Variants in RBBP4 observed in about 807,000 individuals in gnomAD.
RBBP4 encodes the protein RB binding protein 4, chromatin remodeling factor, also known as histone-binding protein RBBP4.
Under a neutral mutation model 57.2 loss-of-function variants are expected in RBBP4, and 3 were observed. That is an observed-to-expected ratio of 0.05 (90% confidence interval 0.02 to 0.14). RBBP4 has a LOEUF of 0.14. Among genes scored for constraint, RBBP4 ranks in the 10% least tolerant of loss-of-function variants. RBBP4 has a pLI of 1.00. For missense variants in RBBP4, 107 were observed against 520.6 expected (o/e 0.21, Z 7.73); for synonymous variants, 151 against 171.5 (o/e 0.88, Z 0.93).
At position 32,669,704 on chromosome 1, in the gene RBBP4, C is replaced by T; in HGVS notation, c.966+141C>T. On this transcript the variant is annotated intron_variant, in intron 8 of 11. Transcript: ENST00000373493. The surrounding 1 kb of genome is among the most constrained non-coding windows in gnomAD (Gnocchi z 4.9). ...AGGAGATCGAGACCATCCTGGCTAACACGGTGAAACCCTGTCTCTACTAAA... is the reference window on the plus strand; with the variant it reads ...AGGAGATCGAGACCATCCTGGCTAATACGGTGAAACCCTGTCTCTACTAAA... 1.5e-6 allele frequency: 2 copies of T among 1,316,072 alleles called. No individual in the cohort carries two copies. The highest frequency in any genetic ancestry group is 2.0e-6 in the Non-Finnish European group (2 of 1,020,168). 81.5% of individuals were successfully genotyped at this position (1,316,072 alleles called of 1,614,324 possible).
intron 3 of RBBP4, among the ~76,000 whole-genome samples, chr1:32,660,426 A>ATTTTTATTTATT (rs1553194488): frequency 1.4e-4 from 2 of 14,584 alleles, no homozygotes; most frequent in East Asian, 3.1e-3. Context: ...TTATTTATTT[A>ATTTTTATTTATT]TTTTTTTTGA....
chr1:32,686,074 A>G lies in RBBP4; in HGVS notation c.*6369A>G, dbSNP rs780454247. 1 of 152,204 alleles carries G rather than the reference A, an allele frequency of 6.6e-6. No individual in the cohort carries two copies. The highest frequency in any genetic ancestry group is 2.4e-5 in the African/African-American group (1 of 41,454). The allele number at this position is 152,204 out of a possible 1,614,324, so 9.4% of individuals were successfully genotyped here. A position where few individuals can be genotyped will look rare whatever the true frequency, so the allele number is the denominator to read the frequency against. ...CTCATTTGAAATATGACTAGTCTCAATTGAGATGTAATGTAAGTGTAAAAT... is the reference window on the plus strand; with the variant it reads ...CTCATTTGAAATATGACTAGTCTCAGTTGAGATGTAATGTAAGTGTAAAAT... On this transcript the variant is annotated 3_prime_UTR_variant, in exon 12 of 12. Coordinates refer to ENST00000373493, the MANE Select transcript of RBBP4 (RefSeq NM_005610.3).
intron 2 of RBBP4, among the ~76,000 whole-genome samples, chr1:32,655,572 T>C (rs1380324123): frequency 2.0e-5 from 3 of 152,200 alleles, no homozygotes; most frequent in Admixed American, 2.0e-4. Context: ...TGCAGAAGAA[T>C]TCCTATTGAT....
At position 32,668,891 on chromosome 1, in the gene RBBP4, A is replaced by G. The variant is rs1483505099; in HGVS notation, c.600+37A>G. The G allele has an allele frequency of 3.7e-6, 6 of 1,612,040 alleles. No individual in the cohort carries two copies. In the Admixed American group the frequency reaches 8.3e-5, roughly 22 times the overall value. Reference sequence around the variant, plus strand: ...TCCCATTTTGAAGCAAATCTGGGCTAGTTACCAGTTGGTTTCTTTTTTGGG... The same window carrying G: ...TCCCATTTTGAAGCAAATCTGGGCTGGTTACCAGTTGGTTTCTTTTTTGGG... On this transcript the variant is annotated intron_variant, in intron 5 of 11. Transcript: ENST00000373493.
chr1:32,680,429 C>T lies in RBBP4; in HGVS notation c.*724C>T. Reference sequence around the variant, plus strand: ...GTATGTTTTTACCTGACAGTTATACCACAGGTAGACTGTCAAGTTGAGAAG... The same window carrying T: ...GTATGTTTTTACCTGACAGTTATACTACAGGTAGACTGTCAAGTTGAGAAG... On this transcript the variant is annotated 3_prime_UTR_variant, in exon 12 of 12. Transcript: ENST00000373493. The T allele has an allele frequency of 7.3e-7, 1 of 1,362,260 alleles. No homozygotes were observed. Among genetic ancestry groups the T allele is most frequent in the Non-Finnish European group, 9.6e-7 (1 of 1,045,110 alleles). The allele number at this position is 1,362,260 out of a possible 1,614,324, so 84.4% of individuals were successfully genotyped here.
chr1:32,679,502 G>A lies in RBBP4; in HGVS notation c.1213-138G>A, dbSNP rs1039288574. 14 of 632,908 alleles carry A rather than the reference G, an allele frequency of 2.2e-5. No homozygotes were observed. The Admixed American group carries it at 5.3e-4, about 24-fold the overall frequency. The allele number at this position is 632,908 out of a possible 1,614,324, so 39.2% of individuals were successfully genotyped here. ...CTCCGGATACTTTCATCCAAGAGTT[G>A]AATAGTTGTAACACAGATTGTGTGG... On this transcript the variant is annotated intron_variant, in intron 11 of 11. Transcript: ENST00000373493.
chr1:32,658,789 C>T (rs930081842), intron 3 of RBBP4, among the ~76,000 whole-genome samples: 1 of 151,718 alleles, frequency 6.6e-6, no homozygotes, highest in Non-Finnish European at 1.5e-5. Flanking sequence ...CTCAAATGAT[C>T]CTCCTGCCTT....
Position 32,680,366 on chromosome 1 carries a change from T to TG in RBBP4, c.*661_*662insG, listed in dbSNP as rs888179056. ...TTTTTTTTTGTTGTTGGTTTTTTTT[T>TG]TTTTTTTTTTAACTTGGGACCACCA... is the stretch of plus-strand genomic sequence containing the variant. On this transcript the variant is annotated 3_prime_UTR_variant, in exon 12 of 12. Coordinates refer to ENST00000373493, the MANE Select transcript of RBBP4 (RefSeq NM_005610.3). 9 of 1,136,758 alleles carry TG rather than the reference T, an allele frequency of 7.9e-6. No individual in the cohort carries two copies. The highest frequency in any genetic ancestry group is 9.8e-6 in the Non-Finnish European group (9 of 922,244). The allele number at this position is 1,136,758 out of a possible 1,614,324, so 70.4% of individuals were successfully genotyped here. A position where few individuals can be genotyped will look rare whatever the true frequency, so the allele number is the denominator to read the frequency against.
intron 3 of RBBP4, 74 bp from the exon 4 acceptor site, chr1:32,668,151 C>T: frequency 1.4e-6 from 2 of 1,385,346 alleles, no homozygotes; most frequent in South Asian, 1.4e-5. Flanking sequence ...AAATCCTTTC[C>T]TGTGTTCTTA....
rs1261965899 is a variant in RBBP4, at chr1:32,668,965, A to AT, written c.601-4dup. ...CCTTTTATATAATGGTTAATTTTAC[A>AT]TTTAAGACCATCTGCCTGTGGGACA... On this transcript the variant is annotated splice_region_variant and splice_polypyrimidine_tract_variant and intron_variant, in intron 5 of 11. Transcript: ENST00000373493. 6.2e-7 allele frequency: 1 copy of AT among 1,613,960 alleles called. No individual in the cohort carries two copies. The highest frequency in any genetic ancestry group is 1.3e-5 in the African/African-American group (1 of 74,892).
chr1:32,660,427 T>TTTATTTATTTA (rs1553194486), intron 3 of RBBP4, among the ~76,000 whole-genome samples: 1 of 150,658 alleles, frequency 6.6e-6, no homozygotes, highest in Non-Finnish European at 1.5e-5. Flanking sequence ...TATTTATTTA[T>TTTATTTATTTA]TTTTTTTGAG....
At chr1:32,672,583 CA>C (rs899299212) in intron 9 of RBBP4, 57 bp downstream of exon 9, 1 of 1,597,096 alleles carries the variant, frequency 6.3e-7, no homozygotes, top group Non-Finnish European at 8.6e-7. Context: ...TTACACTTTG[CA>C]AAGGTAGTTA....
In RBBP4 at chr1:32,684,609, C is replaced by CA. The variant is rs1649690311; in HGVS notation, c.*4905dup. ...CGAAAAAGGCATCTTGTCTGTTAAC[C>CA]ACAGCTTGCTTTAATAGAATCCTGG... On this transcript the variant is annotated 3_prime_UTR_variant, in exon 12 of 12. Transcript: ENST00000373493. The CA allele has an allele frequency of 1.8e-6, 1 of 550,052 alleles. No individual in the cohort carries two copies. The highest frequency in any genetic ancestry group is 3.2e-5 in the Admixed American group (1 of 30,920). The allele number at this position is 550,052 out of a possible 1,614,324, so 34.1% of individuals were successfully genotyped here.
At chr1:32,651,453 G>A in intron 1 of RBBP4, 131 bp downstream of exon 1, 1 of 1,367,160 alleles carries the variant, frequency 7.3e-7, no homozygotes. Flanking sequence ...CGTGAAGAGG[G>A]AACTCCCCGC....
At chr1:32,667,612 C>T (rs1055115303) in intron 3 of RBBP4, among the ~76,000 whole-genome samples, 7 of 152,188 alleles carry the variant, frequency 4.6e-5, no homozygotes, top group African/African-American at 7.2e-5. Flanking sequence ...TCTCCGCACA[C>T]GGGGAGAACA....
chr1:32,665,507 G>A (rs907516727), intron 3 of RBBP4, among the ~76,000 whole-genome samples: 3 of 151,808 alleles, frequency 2.0e-5, no homozygotes, highest in African/African-American at 7.3e-5. Flanking sequence ...ATGAAACCCC[G>A]TCTCTACTAA....
chr1:32,674,309 C>T (rs1454413328), intron 11 of RBBP4, among the ~76,000 whole-genome samples: 1 of 38,082 alleles, frequency 2.6e-5, no homozygotes, highest in African/African-American at 4.0e-5. Context: ...TTACAGCTCA[C>T]TGCAGCCTCC....
chr1:32,671,815 C>T (rs1266858386), intron 8 of RBBP4, among the ~76,000 whole-genome samples: 2 of 150,764 alleles, frequency 1.3e-5, no homozygotes, highest in African/African-American at 4.9e-5. Context: ...GTCGCTTGAA[C>T]CTGGGAGGTG....
intron 11 of RBBP4, among the ~76,000 whole-genome samples, chr1:32,676,612 CAAAAAAAA>C (rs1229475952): frequency 1.7e-5 from 1 of 57,926 alleles, no homozygotes; most frequent in African/African-American, 4.2e-5. Context: ...AACTCCATCT[CAAAAAAAA>C]AAAAAAAAGA....
Sources: gnomAD v4.1 joint callset for allele counts (sites outside exome capture counted in the v4.1 genomes callset) on GRCh38, gnomAD v4.1.1 for gene constraint, Gnocchi (gnomAD v3.1) non-coding constraint, MANE v1.5 for transcripts, NCBI Gene and HGNC (gene_info 2026-07-23, HGNC 2026-07-21) for gene names.